GRIK5: variants seen among roughly 807,000 people sequenced by gnomAD.
GRIK5 encodes glutamate receptor ionotropic, kainate 5.
In GRIK5, 43 loss-of-function variants were observed where a neutral mutation model predicts 97.4. That is an observed-to-expected ratio of 0.44 (90% CI 0.35 to 0.57). GRIK5 has a LOEUF of 0.57. GRIK5 is among the 20% of genes least tolerant of loss of function. GRIK5 has a pLI of 0.01. For missense variants in GRIK5, 1,015 were observed against 1,382.0 expected (o/e 0.73, Z 4.21); for synonymous variants, 580 against 583.5 (o/e 0.99, Z 0.09).
chr19:42,011,348 C>T (rs569385146), intron 15 of GRIK5, among the ~76,000 whole-genome samples: 62 of 151,082 alleles, frequency 4.1e-4, no homozygotes, highest in African/African-American at 1.2e-3. Context: ...GTCAGGAGAT[C>T]GAGACCATCC....
chr19:42,062,489 C>G lies in GRIK5; in HGVS notation c.507G>C (p.Glu169Asp). ...ACAAAACATTCAGTTCTCCCTCACA[C>G]TCAGCCTTGGCGCAGATGAGGCTGG... ...PSASLICAKA[E>D]CLLRLEELVR... Residue 169 changes from glutamate (E) to aspartate (D), a missense_variant and splice_region_variant, in exon 5 of 20, where the codon GAG (glutamate) becomes GAC (aspartate). Glu to Asp is a conservative substitution (Grantham distance 45). Transcript: ENST00000593562. This position sits in a 1 kb window ranked among gnomAD's most constrained non-coding sequence, Gnocchi z 5.3. The G allele has an allele frequency of 6.2e-7, 1 of 1,614,106 alleles. No individual in the cohort carries two copies. The highest frequency in any genetic ancestry group is 8.5e-7 in the Non-Finnish European group (1 of 1,180,000).
chr19:42,045,209 C>T lies in GRIK5; in HGVS notation c.1270-2454G>A, dbSNP rs1451787896. Among the ~76,000 whole-genome samples the T allele has an allele frequency of 3.9e-5, 6 of 152,188 alleles. No individual in the cohort carries two copies. The East Asian group carries it at 1.2e-3, about 29-fold the overall frequency. ...CTAGCAACAGATGGGGTCCATTTCT[C>T]CCTGGGTTCAGACTTCTTGGTCTGA... On this transcript the variant is annotated intron_variant, in intron 11 of 19. Transcript: ENST00000593562.
chr19:42,010,865 G>A (rs957053061), intron 15 of GRIK5, among the ~76,000 whole-genome samples: 3 of 152,112 alleles, frequency 2.0e-5, no homozygotes, highest in African/African-American at 7.2e-5. Context: ...GGGTGGAGAG[G>A]CGTGAACACA....
intron 1 of GRIK5, chr19:42,068,405 AGAGAGAATGG>A (rs2076371301): frequency 1.2e-5 from 3 of 244,740 alleles, no homozygotes; most frequent in Admixed American, 5.6e-5. Flanking sequence ...AGAAGTCGGG[AGAGAGAATGG>A]GAGTGGAAAG....
Position 42,034,912 on chromosome 19 carries a change from C to T in GRIK5, c.1473+7640G>A, listed in dbSNP as rs141168723. Among the ~76,000 whole-genome samples, 35 of 152,242 alleles carry T rather than the reference C, an allele frequency of 2.3e-4. 1 individual carries two copies. In the East Asian group the frequency reaches 6.4e-3, roughly 28 times the overall value. On this transcript the variant is annotated intron_variant, in intron 12 of 19. Transcript: ENST00000593562. Reference sequence around the variant, plus strand: ...ACCTCTGCTCATTACATTGCTGCCCCCTAGTGGCCAGGATGCAGTGGGTGC... The same window carrying T: ...ACCTCTGCTCATTACATTGCTGCCCTCTAGTGGCCAGGATGCAGTGGGTGC...
chr19:41,999,179 C>G lies in GRIK5; in HGVS notation c.2635G>C (p.Ala879Pro), dbSNP rs1555870292. The G allele has an allele frequency of 6.6e-7, 1 of 1,510,042 alleles. No homozygotes were observed. Among genetic ancestry groups the G allele is most frequent in the South Asian group, 1.2e-5 (1 of 81,940 alleles). The allele number at this position is 1,510,042 out of a possible 1,614,324, so 93.5% of individuals were successfully genotyped here. Residue 879 changes from alanine to proline, a missense_variant, in exon 20 of 20, where the codon GCG (alanine) becomes CCG (proline). Ala to Pro is a conservative substitution (Grantham distance 27). Coordinates refer to ENST00000593562, the MANE Select transcript of GRIK5 (RefSeq NM_002088.5). This position sits in a 1 kb window ranked among gnomAD's most constrained non-coding sequence, Gnocchi z 5.0. ...GPSRALLSLR[A>P]VREMRLSNGK... ...TTGCTGAGGCGCATCTCGCGGACCGCGCGCAGTGACAGCAGGGCCCGGCTC... is the reference window on the plus strand; with the variant it reads ...TTGCTGAGGCGCATCTCGCGGACCGGGCGCAGTGACAGCAGGGCCCGGCTC...
rs1555872788 is a variant in GRIK5, at chr19:42,006,749, C to T, written c.1933G>A (p.Val645Met). The T allele has an allele frequency of 6.2e-6, 10 of 1,613,718 alleles. No homozygotes were observed. The highest frequency in any genetic ancestry group is 5.9e-6 in the Non-Finnish European group (7 of 1,179,742). The change falls in exon 16 of 20, where the codon GTG becomes ATG. Residue 645 changes from valine (V) to methionine (M), a missense_variant. Coordinates refer to ENST00000593562, the MANE Select transcript of GRIK5 (RefSeq NM_002088.5). The surrounding 1 kb of genome is among the most constrained non-coding windows in gnomAD (Gnocchi z 5.3). ...YTANLAAFLT[V>M]QRMEVPVESA... ...TCCACAGGCACCTCCATGCGCTGCACGGTGAGGAAGGCGGCCAGGTTGGCC... is the reference window on the plus strand; with the variant it reads ...TCCACAGGCACCTCCATGCGCTGCATGGTGAGGAAGGCGGCCAGGTTGGCC...
chr19:42,044,027 G>C (rs888660359), intron 11 of GRIK5, among the ~76,000 whole-genome samples: 1 of 152,224 alleles, frequency 6.6e-6, no homozygotes, highest in Non-Finnish European at 1.5e-5. Context: ...ACCAGGTGGA[G>C]GTAACTGAAT....
At chr19:42,060,566 G>A (rs1460589515) in intron 5 of GRIK5, among the ~76,000 whole-genome samples, 14 of 151,480 alleles carry the variant, frequency 9.2e-5, no homozygotes, top group Admixed American at 9.2e-4. Context: ...CATAGCAGCT[G>A]CTCAATAAAT....
intron 1 of GRIK5, among the ~76,000 whole-genome samples, chr19:42,067,628 A>G (rs969964966): frequency 1.3e-5 from 2 of 152,080 alleles, no homozygotes; most frequent in African/African-American, 4.8e-5. Context: ...GGACAGAAAG[A>G]CCGAGGGAGA....
chr19:42,028,200 C>T (rs2075795186), intron 12 of GRIK5, among the ~76,000 whole-genome samples: 1 of 152,146 alleles, frequency 6.6e-6, no homozygotes, highest in Non-Finnish European at 1.5e-5. Context: ...CCCTGACGGG[C>T]CCCCTCACAG....
chr19:42,004,422 C>T (rs747710104), intron 17 of GRIK5, among the ~76,000 whole-genome samples: 2 of 152,128 alleles, frequency 1.3e-5, no homozygotes, highest in African/African-American at 2.4e-5. Flanking sequence ...AGATACTTCC[C>T]GACCAACTAC....
chr19:42,050,551 G>A (rs1030899831), intron 11 of GRIK5, among the ~76,000 whole-genome samples: 1 of 151,628 alleles, frequency 6.6e-6, no homozygotes, highest in African/African-American at 2.4e-5. Context: ...CCAGCTACTC[G>A]GGACACTGAG....
chr19:42,023,194 C>T (rs1599772930), intron 12 of GRIK5, among the ~76,000 whole-genome samples: 1 of 151,736 alleles, frequency 6.6e-6, no homozygotes, highest in Non-Finnish European at 1.5e-5. Context: ...AGGGAGATGG[C>T]GCAGGCTAAA....
At chr19:42,036,108 G>T (rs1285321152) in intron 12 of GRIK5, among the ~76,000 whole-genome samples, 1 of 152,084 alleles carries the variant, frequency 6.6e-6, no homozygotes, top group Non-Finnish European at 1.5e-5. Context: ...CGCCCAGGCT[G>T]GAATGCAGTG....
Position 42,022,020 on chromosome 19 carries a change from A to G in GRIK5, c.1624T>C (p.Phe542Leu). The G allele has an allele frequency of 6.2e-7, 1 of 1,613,896 alleles. No individual in the cohort carries two copies. The highest frequency in any genetic ancestry group is 8.5e-7 in the Non-Finnish European group (1 of 1,179,828). ...ATGAAGAGCCACACAGCAGGGGAGA[A>G]GGGGTCCAGGAAGGAGAAGTAGCCA... ...KPGYFSFLDP[F>L]SPAVWLFMLL... The change falls in exon 14 of 20, where the codon TTC (phenylalanine) becomes CTC (leucine). Residue 542 changes from phenylalanine (F) to leucine (L), a missense_variant. Physicochemically the swap from Phe to Leu is conservative, Grantham distance 22 (BLOSUM62 0). This residue lies in a region of GRIK5 where 477 missense variants were observed against 701.1 expected (regional missense o/e 0.68). Transcript: ENST00000593562. The surrounding 1 kb of genome is among the most constrained non-coding windows in gnomAD (Gnocchi z 4.2).
intron 6 of GRIK5, 26 bp from the exon 7 acceptor site, chr19:42,057,004 C>A: frequency 6.5e-7 from 1 of 1,541,348 alleles, no homozygotes; most frequent in Non-Finnish European, 8.8e-7. Flanking sequence ...GGCAAAGAGG[C>A]AGAGTGAGAG....
chr19:42,054,505 T>A, intron 8 of GRIK5, 33 bp from the exon 9 acceptor site: 1 of 1,602,836 alleles, frequency 6.2e-7, no homozygotes, highest in Non-Finnish European at 8.5e-7. Context: ...GTGGGATGGA[T>A]AAGAGGCTGC....
At chr19:42,043,836 C>A (rs113161159) in intron 11 of GRIK5, among the ~76,000 whole-genome samples, 6,604 of 152,136 alleles carry the variant, frequency 0.043, 212 homozygotes, top group Non-Finnish European at 0.064. Flanking sequence ...TGCTTGAGCC[C>A]GAGTTTGAGG....
Sources: allele counts gnomAD v4.1 joint callset (sites outside exome capture counted in the v4.1 genomes callset), GRCh38; gene constraint gnomAD v4.1.1; regional missense constraint gnomAD v4.1.1; non-coding constraint Gnocchi (gnomAD v3.1); transcripts MANE v1.5; gene names NCBI Gene and HGNC (gene_info 2026-07-23, HGNC 2026-07-21).